PDE8B: variants seen among roughly 807,000 people sequenced by gnomAD.
The protein encoded by PDE8B is high affinity cAMP-specific and IBMX-insensitive 3',5'-cyclic phosphodiesterase 8B.
PDE8B carries 26 observed loss-of-function variants against 101.3 expected under a neutral mutation model. The observed-to-expected ratio is 0.26, with a 90% CI of 0.19 to 0.36. The LOEUF is 0.36. Among genes scored for constraint, PDE8B ranks in the 10% least tolerant of loss-of-function variants. The probability of loss-of-function intolerance (pLI) is 1.00; values close to 1 mark genes in which losing one functional copy is unlikely to be tolerated. For synonymous variants in PDE8B, 424 were observed against 429.3 expected (o/e 0.99, Z 0.15); for missense variants, 810 against 1,163.1 (o/e 0.70, Z 4.42).
intron 2 of PDE8B, among the ~76,000 whole-genome samples, chr5:77,324,447 C>G (rs969536702): frequency 1.3e-5 from 2 of 152,066 alleles, no homozygotes; most frequent in Non-Finnish European, 2.9e-5. Flanking sequence ...CATAAATGAG[C>G]TCAGGTGGTG....
intron 2 of PDE8B, among the ~76,000 whole-genome samples, chr5:77,325,312 C>A (rs1388589185): frequency 2.0e-5 from 3 of 152,182 alleles, no homozygotes; most frequent in Admixed American, 1.3e-4. Flanking sequence ...AGACCACAGG[C>A]ATGTGCTACT....
At position 77,413,321 on chromosome 5, in the gene PDE8B, AT is replaced by A. The variant is rs1561677972; in HGVS notation, c.1911+13del. 2 of 1,609,672 alleles carry A rather than the reference AT, an allele frequency of 1.2e-6. No individual in the cohort carries two copies. Among genetic ancestry groups the A allele is most frequent in the South Asian group, 2.2e-5 (2 of 90,972 alleles). On this transcript the variant is annotated intron_variant, in intron 17 of 21. Transcript: ENST00000264917. Reference sequence around the variant, plus strand: ...AGGAAAGAGTAAAGGTAGGATTTTGATATCATGACCTAGTTACCTGCCTGGA... The same window carrying A: ...AGGAAAGAGTAAAGGTAGGATTTTGAATCATGACCTAGTTACCTGCCTGGA...
the PDE8B span, among the ~76,000 whole-genome samples, chr5:77,106,871 T>C: frequency 2.0e-5 from 3 of 151,944 alleles, no homozygotes; most frequent in Admixed American, 2.0e-4. Context: ...TAAATGAAAT[T>C]GTATTTTTTA....
At chr5:77,254,200 G>C (rs897433918) in intron 1 of PDE8B, among the ~76,000 whole-genome samples, 29 of 152,092 alleles carry the variant, frequency 1.9e-4, no homozygotes, top group Non-Finnish European at 3.4e-4. Flanking sequence ...GGAACTCCTT[G>C]AAAGAACTTA....
At chr5:77,371,437 C>T (rs374616423) in intron 10 of PDE8B, among the ~76,000 whole-genome samples, 4 of 152,264 alleles carry the variant, frequency 2.6e-5, no homozygotes, top group African/African-American at 7.2e-5. Context: ...TGATCTGTTT[C>T]TGGACTCTGT....
At chr5:77,165,492 C>G in the PDE8B span, 2 of 152,158 alleles carry the variant, frequency 1.3e-5, no homozygotes, top group Non-Finnish European at 2.9e-5. Flanking sequence ...CATCCTTTCC[C>G]CTGGCATGGT....
intron 1 of PDE8B, 68 bp from the exon 2 acceptor site, chr5:77,311,926 G>C: frequency 8.1e-7 from 1 of 1,241,846 alleles, no homozygotes; most frequent in Non-Finnish European, 1.2e-6. Context: ...AATGCGTTGC[G>C]TAAGGAAGGA....
At chr5:77,399,650 T>C (rs13167302) in intron 10 of PDE8B, among the ~76,000 whole-genome samples, 11,444 of 152,318 alleles carry the variant, frequency 0.075, 474 homozygotes, top group Middle Eastern at 0.13. Context: ...CCTTTTGTCA[T>C]TTGACAGACA....
chr5:77,173,818 C>T, the PDE8B span, among the ~76,000 whole-genome samples: 4 of 150,174 alleles, frequency 2.7e-5, no homozygotes, highest in Admixed American at 6.6e-5. Flanking sequence ...GTGTCTGGGG[C>T]GGGGGTGGTG....
the PDE8B span, chr5:77,131,112 C>G: frequency 6.6e-6 from 1 of 152,408 alleles, no homozygotes; most frequent in East Asian, 1.9e-4. Context: ...GGTTCCAGAG[C>G]GATACTCAGA....
At chr5:77,237,637 C>A (rs1754963588) in intron 1 of PDE8B, among the ~76,000 whole-genome samples, 1 of 152,050 alleles carries the variant, frequency 6.6e-6, no homozygotes, top group Non-Finnish European at 1.5e-5. Flanking sequence ...TTAAAGAATT[C>A]AAGAGAAGAA....
intron 1 of PDE8B, among the ~76,000 whole-genome samples, chr5:77,256,158 T>C (rs544081145): frequency 1.3e-5 from 2 of 152,226 alleles, no homozygotes; most frequent in Non-Finnish European, 2.9e-5. Context: ...AATTTGTATT[T>C]TTTTGCAACA....
chr5:77,228,648 G>A (rs561331066), intron 1 of PDE8B, among the ~76,000 whole-genome samples: 1 of 152,280 alleles, frequency 6.6e-6, no homozygotes, highest in African/African-American at 2.4e-5. Flanking sequence ...GTAGTTTTCT[G>A]TGTAAACCAT....
chr5:77,228,192 C>G (rs1393707653), intron 1 of PDE8B, among the ~76,000 whole-genome samples: 1 of 152,164 alleles, frequency 6.6e-6, no homozygotes, highest in Non-Finnish European at 1.5e-5. Flanking sequence ...GGCTGGACAC[C>G]ACCCTCAGTT....
At chr5:77,226,845 C>G (rs1021090996) in intron 1 of PDE8B, among the ~76,000 whole-genome samples, 2 of 152,108 alleles carry the variant, frequency 1.3e-5, no homozygotes, top group Non-Finnish European at 2.9e-5. Flanking sequence ...TGTGAGATCT[C>G]TGAGACAAAT....
the PDE8B span, among the ~76,000 whole-genome samples, chr5:77,195,891 A>G: frequency 6.6e-6 from 1 of 152,174 alleles, no homozygotes; most frequent in Non-Finnish European, 1.5e-5. Flanking sequence ...TGATCTTGTT[A>G]TCTTAGGGGT....
intron 1 of PDE8B, among the ~76,000 whole-genome samples, chr5:77,243,937 A>G (rs1460539927): frequency 6.6e-6 from 1 of 152,062 alleles, no homozygotes; most frequent in Non-Finnish European, 1.5e-5. Context: ...TACTTGTAAC[A>G]TGCTGCATTT....
chr5:77,206,819 T>C (rs1028686990), upstream of PDE8B, among the ~76,000 whole-genome samples: 1 of 152,196 alleles, frequency 6.6e-6, no homozygotes, highest in Non-Finnish European at 1.5e-5. Flanking sequence ...GGTGGTTCTG[T>C]TGTGCACGTG....
At chr5:77,230,029 C>G (rs1753229159) in intron 1 of PDE8B, among the ~76,000 whole-genome samples, 1 of 152,170 alleles carries the variant, frequency 6.6e-6, no homozygotes, top group Non-Finnish European at 1.5e-5. Flanking sequence ...TCCGAAGTGG[C>G]CGTACCAGTT....
Sources: gnomAD v4.1 joint callset for allele counts (sites outside exome capture counted in the v4.1 genomes callset) on GRCh38, gnomAD v4.1.1 for gene constraint, MANE v1.5 for transcripts, NCBI Gene and HGNC (gene_info 2026-07-23, HGNC 2026-07-21) for gene names.